PCDHGA2: variants seen among roughly 807,000 people sequenced by gnomAD.
PCDHGA2 encodes protocadherin gamma-A2.
In PCDHGA2, 40 loss-of-function variants were observed where a neutral mutation model predicts 59.2. The ratio of observed to expected loss-of-function variants is 0.68; its 90% confidence interval spans 0.52 to 0.88. PCDHGA2 has a LOEUF of 0.88. Among genes scored for constraint, PCDHGA2 ranks in the 40% least tolerant of loss-of-function variants. The pLI is 0.00. For missense variants in PCDHGA2, 1,226 were observed against 1,204.0 expected (o/e 1.02, Z -0.27); for synonymous variants, 560 against 526.0 (o/e 1.06, Z -0.89).
At chr5:141,389,860 A>G (rs1274502656) in intron 1 of PCDHGA2, 2 of 1,614,052 alleles carry the variant, frequency 1.2e-6, no homozygotes, top group African/African-American at 2.7e-5. Flanking sequence ...GCCACGTTGC[A>G]CCTGGTCTTC....
At chr5:141,352,929 A>G (rs1001417027) in intron 1 of PCDHGA2, among the ~76,000 whole-genome samples, 6 of 152,240 alleles carry the variant, frequency 3.9e-5, no homozygotes, top group Admixed American at 1.3e-4. Flanking sequence ...TGGAGATTGT[A>G]GTGAGCCAAG....
chr5:141,393,774 G>A (rs767667499), intron 1 of PCDHGA2: 9 of 1,613,824 alleles, frequency 5.6e-6, no homozygotes, highest in Non-Finnish European at 7.6e-6. Context: ...GGAAATACAA[G>A]CCGAAGATGT....
chr5:141,418,941 C>T, intron 1 of PCDHGA2: 1 of 1,614,034 alleles, frequency 6.2e-7, no homozygotes, highest in Non-Finnish European at 8.5e-7. Context: ...GAGGATTCCC[C>T]TCCAGGAGTG....
chr5:141,361,454 T>A (rs780424534), intron 1 of PCDHGA2: 2 of 1,614,026 alleles, frequency 1.2e-6, no homozygotes, highest in Non-Finnish European at 1.7e-6. Flanking sequence ...ATTGTCACCC[T>A]GCACATCTCC....
At chr5:141,357,280 G>C in intron 1 of PCDHGA2, 2 of 1,613,938 alleles carry the variant, frequency 1.2e-6, no homozygotes. Flanking sequence ...ACTCTATCTC[G>C]TGGTGGCAGT....
intron 1 of PCDHGA2, chr5:141,366,028 C>T (rs1291382727): frequency 1.2e-6 from 2 of 1,614,136 alleles, no homozygotes; most frequent in Non-Finnish European, 1.7e-6. Flanking sequence ...TGTACCCCGC[C>T]CTCCCCACAG....
intron 1 of PCDHGA2, 63 bp from the exon 2 acceptor site, chr5:141,494,744 G>T: frequency 6.2e-7 from 1 of 1,612,702 alleles, no homozygotes; most frequent in South Asian, 1.1e-5. Flanking sequence ...CATCCCTAGG[G>T]GCTCGGGTGA....
At chr5:141,460,991 A>G (rs889917939) in intron 1 of PCDHGA2, among the ~76,000 whole-genome samples, 39 of 141,522 alleles carry the variant, frequency 2.8e-4, no homozygotes, top group East Asian at 1.0e-3. Flanking sequence ...GTGTATATAT[A>G]TATATGTGTA....
chr5:141,496,077 C>G (rs1269618753), intron 2 of PCDHGA2, among the ~76,000 whole-genome samples: 1 of 152,042 alleles, frequency 6.6e-6, no homozygotes, highest in African/African-American at 2.4e-5. Flanking sequence ...CACACACAAC[C>G]CCCCACCCAC....
Position 141,398,399 on chromosome 5 carries a change from A to G in PCDHGA2, c.2424+57004A>G, listed in dbSNP as rs763282563. 8 of 1,466,584 alleles carry G rather than the reference A, an allele frequency of 5.5e-6. No individual in the cohort carries two copies. In the Admixed American group the frequency reaches 7.2e-5, roughly 13 times the overall value. 90.8% of individuals were successfully genotyped at this position (1,466,584 alleles called of 1,614,324 possible). ...GAGTTGCTTGTGAGCAGCAGGCTAG[A>G]CAGGGAGGAGATATGCGGGAAGAAG... On this transcript the variant is annotated intron_variant, in intron 1 of 3. Coordinates refer to ENST00000394576, the MANE Select transcript of PCDHGA2 (RefSeq NM_018915.4).
intron 1 of PCDHGA2, chr5:141,442,107 C>A: frequency 6.0e-6 from 1 of 166,198 alleles, no homozygotes; most frequent in Non-Finnish European, 1.3e-5. Flanking sequence ...CCACCACTAC[C>A]GCCCCTCGTC....
intron 1 of PCDHGA2, among the ~76,000 whole-genome samples, chr5:141,492,394 G>C (rs2099740158): frequency 6.6e-6 from 1 of 152,220 alleles, no homozygotes; most frequent in African/African-American, 2.4e-5. Context: ...CGGTCCACTC[G>C]CAGCTCCCCT....
In PCDHGA2 at chr5:141,430,746, G is replaced by A. The variant is rs369205374; in HGVS notation, c.2425-64061G>A. ...TAAGGGCAGAATTGAAAATAATTCTGGAGGAAGATAAGAATGATTCCTGCG... is the reference window on the plus strand; with the variant it reads ...TAAGGGCAGAATTGAAAATAATTCTAGAGGAAGATAAGAATGATTCCTGCG... On this transcript the variant is annotated intron_variant, in intron 1 of 3. Coordinates refer to ENST00000394576, the MANE Select transcript of PCDHGA2 (RefSeq NM_018915.4). 3.3e-5 allele frequency: 49 copies of A among 1,500,684 alleles called. No homozygotes were observed. The African/African-American group carries it at 6.3e-4, about 19-fold the overall frequency. The allele number at this position is 1,500,684 out of a possible 1,614,324, so 93.0% of individuals were successfully genotyped here.
chr5:141,435,027 AC>A (rs1485237615), intron 1 of PCDHGA2, among the ~76,000 whole-genome samples: 1 of 151,978 alleles, frequency 6.6e-6, no homozygotes, highest in Non-Finnish European at 1.5e-5. Flanking sequence ...CTCTTTTCCC[AC>A]TTTTATTTTT....
At chr5:141,452,858 T>C (rs904455495) in intron 1 of PCDHGA2, among the ~76,000 whole-genome samples, 1 of 152,202 alleles carries the variant, frequency 6.6e-6, no homozygotes. Flanking sequence ...GGGGAGATGA[T>C]TTTCTAACTC....
At chr5:141,366,879 T>G (rs78336776) in intron 1 of PCDHGA2, 22 of 1,324,822 alleles carry the variant, frequency 1.7e-5, no homozygotes, top group Admixed American at 2.5e-5. Context: ...TGGAGATTAA[T>G]TTTTTTTATA....
At position 141,340,230 on chromosome 5, in the gene PCDHGA2, T is replaced by C. The variant is rs1385798687; in HGVS notation, c.1259T>C (p.Ile420Thr). 6.2e-7 allele frequency: 1 copy of C among 1,614,164 alleles called. No individual in the cohort carries two copies. Among genetic ancestry groups the C allele is most frequent in the African/African-American group, 1.3e-5 (1 of 75,042 alleles). ...AGGGAACAGTTTTCCTTTTACAACATCACTCTAACCGCTAAAGATGGAGGG... is the reference window on the plus strand; with the variant it reads ...AGGGAACAGTTTTCCTTTTACAACACCACTCTAACCGCTAAAGATGGAGGG... ...LDREQFSFYN[I>T]TLTAKDGGNP... Residue 420 changes from isoleucine (I) to threonine (T), a missense_variant, in exon 1 of 4, where the codon ATC becomes ACC. Physicochemically the swap from Ile to Thr is moderately conservative, Grantham distance 89. Transcript: ENST00000394576.
rs549842756 is a variant in PCDHGA2 at position 141,470,331 on chromosome 5, A to T, written c.2425-24476A>T. ...TTTCCTCAAATGATCCCATAATTTG[A>T]CCTTAGGAAGCTGTTCAAATAGACA... is the stretch of plus-strand genomic sequence containing the variant. On this transcript the variant is annotated intron_variant, in intron 1 of 3. Transcript: ENST00000394576. 3.3e-4 allele frequency among the ~76,000 whole-genome samples: 50 copies of T among 152,244 alleles called. 1 individual carries two copies. Among genetic ancestry groups the T allele is most frequent in the African/African-American group, 1.1e-3 (47 of 41,536 alleles).
intron 1 of PCDHGA2, chr5:141,361,193 C>G (rs1588559519): frequency 6.2e-7 from 1 of 1,613,962 alleles, no homozygotes; most frequent in East Asian, 2.2e-5. Context: ...ACTTCAGTAT[C>G]TACTCCCCTA....
Sources: gnomAD v4.1 joint callset for allele counts (sites outside exome capture counted in the v4.1 genomes callset) on GRCh38, gnomAD v4.1.1 for gene constraint, MANE v1.5 for transcripts, NCBI Gene and HGNC (gene_info 2026-07-23, HGNC 2026-07-21) for gene names.